Variants in ANKRD36B observed in about 807,000 individuals in gnomAD.
ANKRD36B encodes ankyrin repeat domain-containing protein 36B.
Under a neutral mutation model 135.7 loss-of-function variants are expected in ANKRD36B, and 37 were observed. That is an observed-to-expected ratio of 0.27 (90% CI 0.21 to 0.36). The LOEUF (loss-of-function observed/expected upper bound fraction) is 0.36, where lower values mean the gene tolerates loss of function less well. Ranked by LOEUF, ANKRD36B falls within the 10% of genes least tolerant of loss-of-function variation. The pLI, the probability that ANKRD36B is intolerant of heterozygous loss-of-function variation, is 1.00. For missense variants in ANKRD36B, 549 were observed against 1,037.1 expected (o/e 0.53, Z 6.46); for synonymous variants, 179 against 348.1 (o/e 0.51, Z 5.41).
At chr2:97,551,531 T>A in intron 16 of ANKRD36B, 51 bp from the exon 17 acceptor site, 1 of 1,604,628 alleles carries the variant, frequency 6.2e-7, no homozygotes, top group South Asian at 1.1e-5. Context: ...ATGACAAAGT[T>A]ATCCATACAT....
intron 6 of ANKRD36B, among the ~76,000 whole-genome samples, chr2:97,562,392 T>C (rs2081107077): frequency 6.6e-6 from 1 of 151,952 alleles, no homozygotes; most frequent in Non-Finnish European, 1.5e-5. Flanking sequence ...ACAAAATAAC[T>C]ACCTCAGCAA....
chr2:97,574,250 A>G (rs1163586750), intron 6 of ANKRD36B, among the ~76,000 whole-genome samples: 2 of 152,192 alleles, frequency 1.3e-5, no homozygotes, highest in Non-Finnish European at 2.9e-5. Context: ...ACACTTCTCA[A>G]AAGAAGACAT....
chr2:97,552,456 T>TA (rs2080152623), intron 16 of ANKRD36B, among the ~76,000 whole-genome samples: 1 of 151,886 alleles, frequency 6.6e-6, no homozygotes, highest in Non-Finnish European at 1.5e-5. Flanking sequence ...TTTCTATAAC[T>TA]AAAATCAACA....
chr2:97,572,439 G>A (rs115206750), intron 6 of ANKRD36B, among the ~76,000 whole-genome samples: 1,122 of 53,574 alleles, frequency 0.021, 212 homozygotes, highest in East Asian at 0.2. Flanking sequence ...TGAAAATTTA[G>A]AATTTAAAAT....
chr2:97,555,507 G>T (rs968211487), intron 12 of ANKRD36B, among the ~76,000 whole-genome samples: 4 of 151,776 alleles, frequency 2.6e-5, no homozygotes, highest in Non-Finnish European at 5.9e-5. Context: ...AACAGTGTTA[G>T]TATCAATGTG....
At chr2:97,584,391 A>G (rs1232185574) in intron 3 of ANKRD36B, among the ~76,000 whole-genome samples, 1 of 139,718 alleles carries the variant, frequency 7.2e-6, no homozygotes, top group African/African-American at 2.8e-5. Context: ...ATTTTCCCTC[A>G]TTACCTAATT....
Position 97,560,533 on chromosome 2 carries a change from A to G in ANKRD36B, c.865+132T>C, listed in dbSNP as rs995915706. ...TATCAGAGTCACCTGAGAACTCACT[A>G]CAAATGAAGAATCTCAGGTGTACTG... On this transcript the variant is annotated intron_variant, in intron 8 of 43. Transcript: ENST00000359901. 8 of 1,353,232 alleles carry G rather than the reference A, an allele frequency of 5.9e-6. No homozygotes were observed. The African/African-American group carries it at 7.3e-5, about 12-fold the overall frequency. The allele number at this position is 1,353,232 out of a possible 1,614,324, so 83.8% of individuals were successfully genotyped here.
At chr2:97,494,648 C>G (rs1389386822) in intron 43 of ANKRD36B, among the ~76,000 whole-genome samples, 1 of 102,586 alleles carries the variant, frequency 9.7e-6, no homozygotes, top group Non-Finnish European at 2.8e-5. Flanking sequence ...CTCTTTTTGT[C>G]TTTAACTTTG....
At chr2:97,540,350 T>C in intron 28 of ANKRD36B, 121 bp from the exon 29 acceptor site, 1 of 678,396 alleles carries the variant, frequency 1.5e-6, no homozygotes, top group South Asian at 1.3e-5. Flanking sequence ...GATTTGATGT[T>C]TCCTACTTTG....
chr2:97,571,764 CATTTA>C (rs2081893937), intron 6 of ANKRD36B, among the ~76,000 whole-genome samples: 1 of 152,166 alleles, frequency 6.6e-6, no homozygotes, highest in African/African-American at 2.4e-5. Flanking sequence ...TCATAGAGCT[CATTTA>C]ATTTGTTTCT....
At chr2:97,529,355 C>T (rs1192777655) in intron 35 of ANKRD36B, among the ~76,000 whole-genome samples, 2 of 94,508 alleles carry the variant, frequency 2.1e-5, no homozygotes, top group Non-Finnish European at 5.6e-5. Flanking sequence ...ATTCAACAAC[C>T]CTTCATGCTA....
At chr2:97,555,764 C>G (rs1360422585) in intron 12 of ANKRD36B, among the ~76,000 whole-genome samples, 5 of 151,832 alleles carry the variant, frequency 3.3e-5, no homozygotes, top group Non-Finnish European at 7.4e-5. Context: ...TGGAAGGGAC[C>G]TAAATTGATC....
chr2:97,496,857 A>C (rs1460256980), intron 43 of ANKRD36B, among the ~76,000 whole-genome samples: 3 of 69,836 alleles, frequency 4.3e-5, no homozygotes, highest in African/African-American at 6.6e-5. Context: ...ATATATATAT[A>C]TATCTTTTAA....
chr2:97,563,009 A>G (rs575382611), intron 6 of ANKRD36B, among the ~76,000 whole-genome samples: 55 of 152,108 alleles, frequency 3.6e-4, no homozygotes, highest in African/African-American at 1.3e-3. Context: ...TCTCCAGCAG[A>G]CAGTACTGAG....
At chr2:97,573,239 G>A (rs1442421757) in intron 6 of ANKRD36B, among the ~76,000 whole-genome samples, 3 of 152,238 alleles carry the variant, frequency 2.0e-5, no homozygotes, top group East Asian at 3.9e-4. Context: ...CAAAGGACAT[G>A]AACTCATCAT....
rs1246501531 is a variant in ANKRD36B, at chr2:97,531,442, G to A, written c.2265+869C>T. On this transcript the variant is annotated intron_variant, in intron 35 of 43. Coordinates refer to ENST00000359901, the MANE Select transcript of ANKRD36B (RefSeq NM_001393939.1). Reference sequence around the variant, plus strand: ...GAGGGGGGAGGGATAGCATTAGGAGGTATACCTAATGCTAAATGACGAGTT... The same window carrying A: ...GAGGGGGGAGGGATAGCATTAGGAGATATACCTAATGCTAAATGACGAGTT... 5.0e-5 allele frequency among the ~76,000 whole-genome samples: 4 copies of A among 79,700 alleles called. 1 individual carries two copies. The highest frequency in any genetic ancestry group is 1.5e-4 in the African/African-American group (4 of 26,696). 52.3% of individuals were successfully genotyped at this position (79,700 alleles called of 152,430 possible).
chr2:97,571,582 T>C (rs1362565527), intron 6 of ANKRD36B, among the ~76,000 whole-genome samples: 3 of 151,266 alleles, frequency 2.0e-5, no homozygotes, highest in Non-Finnish European at 4.4e-5. Context: ...GGAGGCAGAG[T>C]TTGCAGTGAG....
chr2:97,561,451 T>C (rs1190646920), intron 6 of ANKRD36B, among the ~76,000 whole-genome samples: 5 of 151,956 alleles, frequency 3.3e-5, no homozygotes, highest in Non-Finnish European at 5.9e-5. Flanking sequence ...CCATATGGTG[T>C]AATAATGTGC....
At chr2:97,582,842 T>G (rs1462293439) in intron 3 of ANKRD36B, among the ~76,000 whole-genome samples, 2 of 152,140 alleles carry the variant, frequency 1.3e-5, no homozygotes, top group Non-Finnish European at 2.9e-5. Flanking sequence ...TTGAGCACTT[T>G]TACAACATTC....
Sources: allele counts gnomAD v4.1 joint callset (sites outside exome capture counted in the v4.1 genomes callset), GRCh38; gene constraint gnomAD v4.1.1; transcripts MANE v1.5; gene names NCBI Gene and HGNC (gene_info 2026-07-23, HGNC 2026-07-21).